Variants in ARHGAP42 observed in about 807,000 individuals in gnomAD.
ARHGAP42 encodes the protein rho GTPase-activating protein 42.
Under a neutral mutation model 125.0 loss-of-function variants are expected in ARHGAP42, and 63 were observed. The ratio of observed to expected loss-of-function variants is 0.50; its 90% CI spans 0.41 to 0.62. The LOEUF (loss-of-function observed/expected upper bound fraction) is 0.62, where lower values mean the gene tolerates loss of function less well. Ranked by LOEUF, ARHGAP42 falls within the 20% of genes least tolerant of loss-of-function variation. The pLI, the probability that ARHGAP42 is intolerant of heterozygous loss-of-function variation, is 0.00. For missense variants in ARHGAP42, 766 were observed against 1,024.2 expected (o/e 0.75, Z 3.44); for synonymous variants, 339 against 351.0 (o/e 0.97, Z 0.38).
intron 4 of ARHGAP42, among the ~76,000 whole-genome samples, chr11:100,890,109 C>G (rs957929586): frequency 1.3e-5 from 2 of 152,176 alleles, no homozygotes; most frequent in African/African-American, 4.8e-5. Context: ...AACTAAGGAA[C>G]AGAGCAGGCA....
At chr11:100,816,430 C>T (rs187384732) in intron 3 of ARHGAP42, among the ~76,000 whole-genome samples, 5 of 152,216 alleles carry the variant, frequency 3.3e-5, no homozygotes, top group African/African-American at 1.2e-4. Context: ...TCCATGAATT[C>T]ACACGGTTAA....
intron 3 of ARHGAP42, among the ~76,000 whole-genome samples, chr11:100,807,205 T>C (rs1591196851): frequency 6.7e-6 from 1 of 148,612 alleles, no homozygotes; most frequent in Admixed American, 6.7e-5. Context: ...CTTTTTTTTT[T>C]TTCTTTTGAG....
At chr11:100,731,770 A>G (rs1305910165) in intron 1 of ARHGAP42, among the ~76,000 whole-genome samples, 3 of 152,116 alleles carry the variant, frequency 2.0e-5, no homozygotes, top group Non-Finnish European at 1.5e-5. Context: ...CAGCTATGCA[A>G]TCCCTGCTTC....
intron 13 of ARHGAP42, 23 bp downstream of exon 13, chr11:100,959,968 A>G (rs755214794): frequency 8.0e-5 from 123 of 1,539,872 alleles, no homozygotes; most frequent in Non-Finnish European, 1.0e-4. Flanking sequence ...TGATTGGTAC[A>G]GCATCCCTGT....
chr11:100,799,243 G>T (rs1465456476), intron 3 of ARHGAP42, among the ~76,000 whole-genome samples: 1 of 152,178 alleles, frequency 6.6e-6, no homozygotes, highest in African/African-American at 2.4e-5. Flanking sequence ...CTGGCTGGTG[G>T]TGGGATGACC....
chr11:100,992,991 A>T lies in ARHGAP42; in HGVS notation c.*4190A>T. The T allele has an allele frequency of 3.1e-6, 1 of 320,212 alleles. No individual in the cohort carries two copies. 19.8% of individuals were successfully genotyped at this position (320,212 alleles called of 1,614,324 possible). ...AATGGAGTCTGTGTGCTTACTGAAG[A>T]GTCCCAAAAACCAGAGACCATTTTC... On this transcript the variant is annotated 3_prime_UTR_variant, in exon 24 of 24. Coordinates refer to ENST00000298815, the MANE Select transcript of ARHGAP42 (RefSeq NM_152432.4).
rs544430714 is a variant in ARHGAP42 at position 100,750,305 on chromosome 11, G to A, written c.155-20038G>A. On this transcript the variant is annotated intron_variant, in intron 1 of 23. Coordinates refer to ENST00000298815, the MANE Select transcript of ARHGAP42 (RefSeq NM_152432.4). ...GAAGGGGTTCTTATTCCTGATGCAC[G>A]TGGCCCCTGCTGCTGTGTCTTTCCC... Among the ~76,000 whole-genome samples, 11 of 152,294 alleles carry A rather than the reference G, an allele frequency of 7.2e-5. No individual in the cohort carries two copies. In the South Asian group the frequency reaches 1.2e-3, roughly 17 times the overall value.
chr11:100,896,501 G>C (rs565745040), intron 4 of ARHGAP42, among the ~76,000 whole-genome samples: 55 of 152,278 alleles, frequency 3.6e-4, no homozygotes, highest in African/African-American at 1.3e-3. Flanking sequence ...TCCAGGATCT[G>C]TTGTTTCCTG....
chr11:100,984,328 T>G (rs1477915718), intron 22 of ARHGAP42, among the ~76,000 whole-genome samples: 3 of 29,292 alleles, frequency 1.0e-4, no homozygotes, highest in Non-Finnish European at 1.2e-4. Flanking sequence ...ATTAGATTGG[T>G]GTGCTCTAAT....
chr11:100,710,603 G>A (rs1422231070), intron 1 of ARHGAP42, among the ~76,000 whole-genome samples: 1 of 137,442 alleles, frequency 7.3e-6, no homozygotes, highest in Non-Finnish European at 1.5e-5. Flanking sequence ...CAAATGGCAC[G>A]ATCTCGGCTC....
At chr11:100,780,630 A>T (rs1180119872) in intron 2 of ARHGAP42, among the ~76,000 whole-genome samples, 1 of 152,210 alleles carries the variant, frequency 6.6e-6, no homozygotes, top group Admixed American at 6.5e-5. Flanking sequence ...CCGAAGGCCG[A>T]TGGGGATTAG....
At chr11:100,725,370 C>T (rs983198463) in intron 1 of ARHGAP42, among the ~76,000 whole-genome samples, 8 of 151,734 alleles carry the variant, frequency 5.3e-5, no homozygotes, top group African/African-American at 1.9e-4. Context: ...GGGGTTTCAC[C>T]ATGTTGGTCA....
intron 8 of ARHGAP42, among the ~76,000 whole-genome samples, chr11:100,941,422 G>A (rs977992698): frequency 1.3e-5 from 2 of 152,164 alleles, no homozygotes; most frequent in African/African-American, 2.4e-5. Flanking sequence ...TGAGAGTAAA[G>A]TATACAGGTA....
intron 3 of ARHGAP42, among the ~76,000 whole-genome samples, chr11:100,845,094 C>T (rs554705197): frequency 2.9e-4 from 43 of 147,762 alleles, no homozygotes; most frequent in African/African-American, 8.7e-4. Context: ...TATATATATA[C>T]ACACACACAC....
chr11:100,828,097 C>A (rs150701419), intron 3 of ARHGAP42, among the ~76,000 whole-genome samples: 5 of 152,142 alleles, frequency 3.3e-5, no homozygotes, highest in Non-Finnish European at 5.9e-5. Context: ...TCTTAACATT[C>A]CAGGGGTCCT....
At position 100,809,831 on chromosome 11, in the gene ARHGAP42, C is replaced by T. The variant is rs188734390; in HGVS notation, c.312+14665C>T. 2.0e-5 allele frequency among the ~76,000 whole-genome samples: 3 copies of T among 152,086 alleles called. No individual in the cohort carries two copies. The East Asian group carries it at 5.8e-4, about 29-fold the overall frequency. The stretch of plus-strand genomic sequence containing the variant: ...TTAGCTGGGCATGGTATCACAGCTA[C>T]TTGGGAGGCTGAGGTGGGAAGATCA... On this transcript the variant is annotated intron_variant, in intron 3 of 23. Transcript: ENST00000298815.
chr11:100,693,711 C>A (rs528068846), intron 1 of ARHGAP42, among the ~76,000 whole-genome samples: 1 of 152,268 alleles, frequency 6.6e-6, no homozygotes, highest in South Asian at 2.1e-4. Flanking sequence ...GCAATAACTA[C>A]CTTTTGCACT....
chr11:100,992,673 T>C lies in ARHGAP42; in HGVS notation c.*3872T>C. The C allele has an allele frequency of 6.3e-7, 1 of 1,598,140 alleles. No homozygotes were observed. Among genetic ancestry groups the C allele is most frequent in the Non-Finnish European group, 8.5e-7 (1 of 1,172,912 alleles). On this transcript the variant is annotated 3_prime_UTR_variant, in exon 24 of 24. Transcript: ENST00000298815. ...GTGCCAGTTCCACTTGGTAATAACG[T>C]TGGGAAAATGCAGGTTTATGAATGA...
At chr11:100,845,526 T>G (rs1865045804) in intron 3 of ARHGAP42, among the ~76,000 whole-genome samples, 1 of 151,962 alleles carries the variant, frequency 6.6e-6, no homozygotes, top group Non-Finnish European at 1.5e-5. Context: ...AAAATAAAAC[T>G]TAGGTTTCCT....
Sources: allele counts gnomAD v4.1 joint callset (sites outside exome capture counted in the v4.1 genomes callset), GRCh38; gene constraint gnomAD v4.1.1; transcripts MANE v1.5; gene names NCBI Gene and HGNC (gene_info 2026-07-23, HGNC 2026-07-21).